Variants in DUSP26 observed in about 807,000 individuals in gnomAD.
The protein encoded by DUSP26 is dual specificity phosphatase 26.
In DUSP26, 12 loss-of-function variants were observed where a neutral mutation model predicts 20.0. The observed-to-expected ratio is 0.60, with a 90% CI of 0.38 to 0.97. The LOEUF is 0.97. DUSP26 is among the 50% of genes least tolerant of loss of function. The probability of loss-of-function intolerance (pLI) is 0.00; values close to 1 mark genes in which losing one functional copy is unlikely to be tolerated. For synonymous variants in DUSP26, 120 were observed against 118.8 expected (o/e 1.01, Z -0.06); for missense variants, 230 against 294.0 (o/e 0.78, Z 1.59).
chr8:33,597,291 A>C lies in DUSP26; in HGVS notation c.221+4T>G. ...ACCGTGGGCCCAGTCTGCCCGATAC[A>C]TACTGGTCTCCGAGATAGAGGCCTG... On this transcript the variant is annotated splice_donor_region_variant and intron_variant, in intron 2 of 3. Transcript: ENST00000256261. 2 of 1,609,242 alleles carry C rather than the reference A, an allele frequency of 1.2e-6. No individual in the cohort carries two copies. The highest frequency in any genetic ancestry group is 1.1e-5 in the South Asian group (1 of 90,380).
intron 1 of DUSP26, chr8:33,597,807 C>CCACGTAACACACG (rs1811184865): frequency 3.1e-6 from 1 of 325,766 alleles, no homozygotes; most frequent in Non-Finnish European, 5.7e-6. Context: ...GTCACATGTC[C>CCACGTAACACACG]TTGTTTACGG....
Position 33,591,963 on chromosome 8 carries a change from G to A in DUSP26, c.*50C>T, listed in dbSNP as rs996650979. On this transcript the variant is annotated 3_prime_UTR_variant, in exon 4 of 4. Coordinates refer to ENST00000256261, the MANE Select transcript of DUSP26 (RefSeq NM_024025.3). ...CACCTGGGCCTCCTATCTCCAGCTGGGAGCCAGGGACCTACCCACGGGCCT... is the reference window on the plus strand; with the variant it reads ...CACCTGGGCCTCCTATCTCCAGCTGAGAGCCAGGGACCTACCCACGGGCCT... 2 of 1,602,430 alleles carry A rather than the reference G, an allele frequency of 1.2e-6. No homozygotes were observed. Among genetic ancestry groups the A allele is most frequent in the African/African-American group, 2.7e-5 (2 of 74,702 alleles).
intron 1 of DUSP26, among the ~76,000 whole-genome samples, chr8:33,599,305 C>A (rs1365140627): frequency 3.3e-5 from 5 of 152,182 alleles, no homozygotes; most frequent in Non-Finnish European, 7.3e-5. Context: ...GAGCCCAGGT[C>A]TAAGAAGGAT....
intron 1 of DUSP26, 25 bp from the exon 2 acceptor site, chr8:33,597,616 A>T (rs949610445): frequency 3.0e-6 from 3 of 1,007,144 alleles, no homozygotes; most frequent in Non-Finnish European, 4.4e-6. Flanking sequence ...GGTGTGAGAC[A>T]CACTTGAGTG....
At chr8:33,598,492 G>T (rs1470308460) in intron 1 of DUSP26, among the ~76,000 whole-genome samples, 1 of 89,920 alleles carries the variant, frequency 1.1e-5, no homozygotes, top group Non-Finnish European at 2.2e-5. Flanking sequence ...GGGGAGGGGG[G>T]ACAGGGGTGG....
At chr8:33,598,725 G>A (rs570514533) in intron 1 of DUSP26, among the ~76,000 whole-genome samples, 3 of 152,154 alleles carry the variant, frequency 2.0e-5, no homozygotes, top group African/African-American at 4.8e-5. Context: ...GGGACCTTCA[G>A]GCAGGGAGGC....
chr8:33,591,848 G>T lies in DUSP26; in HGVS notation c.*165C>A. On this transcript the variant is annotated 3_prime_UTR_variant, in exon 4 of 4. Transcript: ENST00000256261. ...ACCACACTGCCCAACCTCACTCCCC[G>T]TCCCCTCCCACAAAGAGTGACAGTG... is the stretch of plus-strand genomic sequence containing the variant. 3 of 781,386 alleles carry T rather than the reference G, an allele frequency of 3.8e-6. No individual in the cohort carries two copies. Among genetic ancestry groups the T allele is most frequent in the Non-Finnish European group, 5.9e-6 (3 of 504,444 alleles). 48.4% of individuals were successfully genotyped at this position (781,386 alleles called of 1,614,324 possible). A position where few individuals can be genotyped will look rare whatever the true frequency, so the allele number is the denominator to read the frequency against.
In DUSP26 at chr8:33,597,396, A is replaced by T; in HGVS notation, c.120T>A (p.His40Gln). The change falls in exon 2 of 4, where the codon CAT becomes CAA. Residue 40 changes from histidine to glutamine, a missense_variant. His to Gln is a conservative substitution (Grantham distance 24). Coordinates refer to ENST00000256261, the MANE Select transcript of DUSP26 (RefSeq NM_024025.3). The stretch of plus-strand genomic sequence containing the variant: ...CCAACTCGAAGACATTGAGGAAAGG[A>T]TGTTGAACGGTTGGCATCTCCTCCA... The part of the protein sequence containing the change: ...GTLEEMPTVQ[H>Q]PFLNVFELER... 2 of 1,614,122 alleles carry T rather than the reference A, an allele frequency of 1.2e-6. No homozygotes were observed. Among genetic ancestry groups the T allele is most frequent in the Non-Finnish European group, 1.7e-6 (2 of 1,180,038 alleles).
chr8:33,597,630 C>T, intron 1 of DUSP26, 39 bp from the exon 2 acceptor site: 4 of 835,428 alleles, frequency 4.8e-6, no homozygotes, highest in Non-Finnish European at 1.8e-6. Context: ...TTGAGTGAGT[C>T]CAGAGCAGCT....
At chr8:33,595,351 G>GTTT (rs34329879) in intron 2 of DUSP26, among the ~76,000 whole-genome samples, 15 of 149,318 alleles carry the variant, frequency 1.0e-4, no homozygotes, top group African/African-American at 3.5e-4. Flanking sequence ...CTGTGACTGT[G>GTTT]TTTTTTTTTG....
chr8:33,592,442 A>T (rs902016419), intron 3 of DUSP26, among the ~76,000 whole-genome samples: 2 of 147,408 alleles, frequency 1.4e-5, no homozygotes, highest in African/African-American at 2.5e-5. Context: ...GTGGTGGCCC[A>T]TGCCTGTAAT....
At chr8:33,595,625 C>A (rs192183893) in intron 2 of DUSP26, among the ~76,000 whole-genome samples, 1 of 151,940 alleles carries the variant, frequency 6.6e-6, no homozygotes, top group East Asian at 1.9e-4. Context: ...GTGATCCATC[C>A]GCCTAAGTAT....
chr8:33,599,583 T>TC (rs1403349026), intron 1 of DUSP26, 82 bp downstream of exon 1: 1 of 151,416 alleles, frequency 6.6e-6, no homozygotes, highest in African/African-American at 2.4e-5. Context: ...GTCCCCTCCC[T>TC]CCCCCGTCGC....
Position 33,592,048 on chromosome 8 carries a change from G to C in DUSP26, c.601C>G (p.Leu201Val). The change falls in exon 4 of 4, where the codon CTG becomes GTG. Residue 201 changes from leucine to valine, a missense_variant. Physicochemically the swap from Leu to Val is conservative, Grantham distance 32. Coordinates refer to ENST00000256261, the MANE Select transcript of DUSP26 (RefSeq NM_024025.3). ...AGACCCTGCCGCAGCCTGCGGTCCAGGGCCAGGAGCTGCCTCAGGAAGCCC... is the reference window on the plus strand; with the variant it reads ...AGACCCTGCCGCAGCCTGCGGTCCACGGCCAGGAGCTGCCTCAGGAAGCCC... ...NRGFLRQLLA[L>V]DRRLRQGLEA is the part of the protein sequence containing the mutation. The C allele has an allele frequency of 1.2e-6, 2 of 1,613,970 alleles. No individual in the cohort carries two copies. Among genetic ancestry groups the C allele is most frequent in the Non-Finnish European group, 1.7e-6 (2 of 1,180,020 alleles).
intron 1 of DUSP26, among the ~76,000 whole-genome samples, chr8:33,599,092 A>G (rs1429337929): frequency 6.6e-6 from 1 of 151,648 alleles, no homozygotes; most frequent in Non-Finnish European, 1.5e-5. Flanking sequence ...GTCCGGAAGG[A>G]GCACAGAAAT....
chr8:33,596,553 G>GAA (rs1811150897), intron 2 of DUSP26, among the ~76,000 whole-genome samples: 3 of 152,340 alleles, frequency 2.0e-5, no homozygotes, highest in Admixed American at 2.0e-4. Context: ...CTGCACTCCA[G>GAA]CCTGGGTGAC....
chr8:33,597,711 G>A (rs1311501880), intron 1 of DUSP26, 120 bp from the exon 2 acceptor site: 7 of 551,302 alleles, frequency 1.3e-5, no homozygotes, highest in African/African-American at 1.1e-4. Context: ...GGCTCTGGCA[G>A]GAGCCTTCAG....
At position 33,591,840 on chromosome 8, in the gene DUSP26, C is replaced by T. The variant is rs547511557; in HGVS notation, c.*173G>A. 3.4e-5 allele frequency: 25 copies of T among 739,368 alleles called. 1 individual carries two copies. In the African/African-American group the frequency reaches 4.1e-4, roughly 12 times the overall value. 45.8% of individuals were successfully genotyped at this position (739,368 alleles called of 1,614,324 possible). A position where few individuals can be genotyped will look rare whatever the true frequency, so the allele number is the denominator to read the frequency against. Reference sequence around the variant, plus strand: ...GCCCATCCACCACACTGCCCAACCTCACTCCCCGTCCCCTCCCACAAAGAG... The same window carrying T: ...GCCCATCCACCACACTGCCCAACCTTACTCCCCGTCCCCTCCCACAAAGAG... On this transcript the variant is annotated 3_prime_UTR_variant, in exon 4 of 4. Coordinates refer to ENST00000256261, the MANE Select transcript of DUSP26 (RefSeq NM_024025.3).
intron 2 of DUSP26, among the ~76,000 whole-genome samples, chr8:33,596,003 G>A (rs1005930939): frequency 2.6e-5 from 4 of 152,176 alleles, no homozygotes; most frequent in Admixed American, 2.0e-4. Context: ...ATCCTTGTAG[G>A]CCAGGCACGG....
Sources: allele counts gnomAD v4.1 joint callset (sites outside exome capture counted in the v4.1 genomes callset), GRCh38; gene constraint gnomAD v4.1.1; transcripts MANE v1.5; gene names NCBI Gene and HGNC (gene_info 2026-07-23, HGNC 2026-07-21).